POT1: variants seen among roughly 807,000 people sequenced by gnomAD.
POT1 encodes protection of telomeres 1.
In POT1, 47 loss-of-function variants were observed where a neutral mutation model predicts 78.5. That is an observed-to-expected ratio of 0.60 (90% CI 0.47 to 0.76). The LOEUF (loss-of-function observed/expected upper bound fraction) is 0.76, where lower values mean the gene tolerates loss of function less well. POT1 is among the 30% of genes least tolerant of loss of function. POT1 has a pLI of 0.00. For missense variants in POT1, 646 were observed against 749.9 expected, an observed-to-expected ratio of 0.86 and a Z score of 1.62; for synonymous variants, 259 against 260.7, an observed-to-expected ratio of 0.99 and a Z score of 0.06.
intron 18 of POT1, 22 bp downstream of exon 18, chr7:124,825,230 T>C (rs560487856): frequency 1.6e-5 from 23 of 1,474,938 alleles, no homozygotes; most frequent in African/African-American, 2.8e-5. Flanking sequence ...AAGTGTGGGA[T>C]TGTTAAAATA....
Position 124,824,084 on chromosome 7 carries a change from C to CA in POT1, c.1793-11dup. On this transcript the variant is annotated splice_polypyrimidine_tract_variant and intron_variant, in intron 18 of 18. Coordinates refer to ENST00000357628, the MANE Select transcript of POT1 (RefSeq NM_015450.3). ...AACCACGGATATGCATCTACAAAAACAAAAACAAAAAAAGCGATTTAACCA... is the reference window on the plus strand; with the variant it reads ...AACCACGGATATGCATCTACAAAAACAAAAAACAAAAAAAGCGATTTAACCA... 1.3e-6 allele frequency: 2 copies of CA among 1,524,302 alleles called. No homozygotes were observed. The highest frequency in any genetic ancestry group is 1.8e-6 in the Non-Finnish European group (2 of 1,116,062). The allele number at this position is 1,524,302 out of a possible 1,614,324, so 94.4% of individuals were successfully genotyped here.
At chr7:124,855,700 A>G (rs1795431511) in intron 9 of POT1, among the ~76,000 whole-genome samples, 1 of 151,950 alleles carries the variant, frequency 6.6e-6, no homozygotes, top group African/African-American at 2.4e-5. Context: ...AGCAAAGTAA[A>G]TATGGCTAGT....
intron 3 of POT1, among the ~76,000 whole-genome samples, chr7:124,905,393 T>C (rs1169598984): frequency 1.3e-5 from 2 of 152,266 alleles, no homozygotes; most frequent in Middle Eastern, 3.4e-3. Flanking sequence ...GGATTCCCTA[T>C]TCAATAAATG....
chr7:124,893,876 T>C (rs189828860), intron 5 of POT1, among the ~76,000 whole-genome samples: 1 of 151,600 alleles, frequency 6.6e-6, no homozygotes, highest in Non-Finnish European at 1.5e-5. Flanking sequence ...CCTTAGGTGT[T>C]GACTTTCAGC....
At chr7:124,824,457 A>G (rs1177032054) in intron 18 of POT1, among the ~76,000 whole-genome samples, 1 of 152,086 alleles carries the variant, frequency 6.6e-6, no homozygotes, top group East Asian at 1.9e-4. Flanking sequence ...AGTTAACACA[A>G]ATTAAAACTG....
chr7:124,879,622 T>C lies in POT1; in HGVS notation c.125-8581A>G, dbSNP rs145462155. On this transcript the variant is annotated intron_variant, in intron 6 of 18. Coordinates refer to ENST00000357628, the MANE Select transcript of POT1 (RefSeq NM_015450.3). ...ATGGAAGAGCAGGGGGCTACCGTTA[T>C]TTAAGACATACTTGGAAAAGAAGAA... is the stretch of plus-strand genomic sequence containing the variant. Among the ~76,000 whole-genome samples, 97 of 152,288 alleles carry C rather than the reference T, an allele frequency of 6.4e-4. 1 individual carries two copies. The East Asian group carries it at 0.018, about 28-fold the overall frequency.
chr7:124,883,236 T>C (rs932159426), intron 6 of POT1, among the ~76,000 whole-genome samples: 1 of 152,096 alleles, frequency 6.6e-6, no homozygotes, highest in Non-Finnish European at 1.5e-5. Context: ...TTTGAAAATA[T>C]ATATTCAAAA....
chr7:124,916,826 C>T (rs771450414), intron 2 of POT1, among the ~76,000 whole-genome samples: 10 of 152,138 alleles, frequency 6.6e-5, no homozygotes, highest in African/African-American at 1.7e-4. Flanking sequence ...CATTTACATG[C>T]GCTTCTCTAC....
intron 3 of POT1, among the ~76,000 whole-genome samples, chr7:124,899,464 C>T (rs537614650): frequency 6.6e-6 from 1 of 152,124 alleles, no homozygotes; most frequent in Admixed American, 6.5e-5. Flanking sequence ...AATTTTTCTT[C>T]TTACTGAAGA....
chr7:124,867,634 T>A (rs1795761890), intron 7 of POT1, among the ~76,000 whole-genome samples: 1 of 151,818 alleles, frequency 6.6e-6, no homozygotes, highest in African/African-American at 2.4e-5. Flanking sequence ...GCTTTATTAT[T>A]TTTATTTATT....
chr7:124,910,838 G>A (rs1796873929), intron 3 of POT1, among the ~76,000 whole-genome samples: 1 of 151,684 alleles, frequency 6.6e-6, no homozygotes. Context: ...ATACAGACAG[G>A]TATACAATCA....
At chr7:124,896,618 C>T (rs932101771) in intron 5 of POT1, among the ~76,000 whole-genome samples, 3 of 151,692 alleles carry the variant, frequency 2.0e-5, no homozygotes, top group African/African-American at 7.2e-5. Flanking sequence ...TTTCCAGTTT[C>T]ACTCGGCTAC....
intron 8 of POT1, among the ~76,000 whole-genome samples, chr7:124,861,124 T>C (rs1279459338): frequency 6.6e-6 from 1 of 152,208 alleles, no homozygotes; most frequent in Non-Finnish European, 1.5e-5. Flanking sequence ...ATATACCCAG[T>C]AATGGGATTG....
At chr7:124,903,427 G>GGGT (rs1178457823) in intron 3 of POT1, among the ~76,000 whole-genome samples, 1 of 152,116 alleles carries the variant, frequency 6.6e-6, no homozygotes, top group Non-Finnish European at 1.5e-5. Flanking sequence ...ATGGACTACT[G>GGGT]GGTACATAAC....
chr7:124,841,963 A>C lies in POT1; in HGVS notation c.1164-785T>G, dbSNP rs538630235. Reference sequence around the variant, plus strand: ...CAGTTCCCTCACATTTTATTTAAAGAGATTTTAAAATAAAAAATTTCTTCA... The same window carrying C: ...CAGTTCCCTCACATTTTATTTAAAGCGATTTTAAAATAAAAAATTTCTTCA... On this transcript the variant is annotated intron_variant, in intron 13 of 18. Coordinates refer to ENST00000357628, the MANE Select transcript of POT1 (RefSeq NM_015450.3). 1.8e-4 allele frequency among the ~76,000 whole-genome samples: 28 copies of C among 152,170 alleles called. No homozygotes were observed. The South Asian group carries it at 5.8e-3, about 31-fold the overall frequency.
Position 124,892,248 on chromosome 7 carries a change from A to T in POT1, c.124+18T>A, listed in dbSNP as rs781611731. 11 of 1,429,966 alleles carry T rather than the reference A, an allele frequency of 7.7e-6. No individual in the cohort carries two copies. The highest frequency in any genetic ancestry group is 1.0e-5 in the Non-Finnish European group (11 of 1,056,604). 88.6% of individuals were successfully genotyped at this position (1,429,966 alleles called of 1,614,324 possible). ...ATGCATTTCCACTCCAAAAAACTCC[A>T]CCAGTTTTAATACCTACCAGTTCCT... On this transcript the variant is annotated intron_variant, in intron 6 of 18. Transcript: ENST00000357628.
chr7:124,833,236 G>A (rs374778005), intron 15 of POT1, among the ~76,000 whole-genome samples: 15 of 152,156 alleles, frequency 9.9e-5, no homozygotes, highest in African/African-American at 2.6e-4. Context: ...TTCGCTTTAT[G>A]GCTAAAATTT....
chr7:124,823,501 ATAATAT>A lies in POT1; in HGVS notation c.*455_*460del, dbSNP rs1455130041. 1 of 152,426 alleles carries A rather than the reference ATAATAT, an allele frequency of 6.6e-6. No homozygotes were observed. Among genetic ancestry groups the A allele is most frequent in the African/African-American group, 2.4e-5 (1 of 41,450 alleles). 9.4% of individuals were successfully genotyped at this position (152,426 alleles called of 1,614,324 possible). ...TTTTACATGAGACTATTAGAAAAGG[ATAATAT>A]TAAGTCATTAACATTATAAATCTGA... On this transcript the variant is annotated 3_prime_UTR_variant, in exon 19 of 19. Coordinates refer to ENST00000357628, the MANE Select transcript of POT1 (RefSeq NM_015450.3).
At chr7:124,870,799 G>T in intron 7 of POT1, 112 bp downstream of exon 7, 1 of 809,592 alleles carries the variant, frequency 1.2e-6, no homozygotes, top group Non-Finnish European at 1.7e-6. Flanking sequence ...CTCCTGAAAA[G>T]CTTGCTGTCA....
Sources: allele counts gnomAD v4.1 joint callset (sites outside exome capture counted in the v4.1 genomes callset), GRCh38; gene constraint gnomAD v4.1.1; transcripts MANE v1.5; gene names NCBI Gene and HGNC (gene_info 2026-07-23, HGNC 2026-07-21).